The following CNGB3 variants were observed in gnomAD, a reference collection of about 807,000 sequenced individuals.
CNGB3 encodes the protein cyclic nucleotide gated channel subunit beta 3.
Under a neutral mutation model 92.8 loss-of-function variants are expected in CNGB3, and 86 were observed. The ratio of observed to expected loss-of-function variants is 0.93; its 90% CI spans 0.78 to 1.11. The LOEUF is 1.11. CNGB3 is among the 50% of genes least tolerant of loss of function. The pLI, the probability that CNGB3 is intolerant of heterozygous loss-of-function variation, is 0.00. For missense variants in CNGB3, 1,026 were observed against 956.8 expected, an observed-to-expected ratio of 1.07 and a Z score of -0.95; for synonymous variants, 333 against 332.7, an observed-to-expected ratio of 1.00 and a Z score of -0.01.
At chr8:86,673,661 T>A (rs985677044) in intron 3 of CNGB3, among the ~76,000 whole-genome samples, 3 of 152,218 alleles carry the variant, frequency 2.0e-5, no homozygotes, top group African/African-American at 7.2e-5. Context: ...GTACTGGAGC[T>A]TTTGGATAAT....
At chr8:86,700,554 T>G (rs1053390511) in intron 3 of CNGB3, among the ~76,000 whole-genome samples, 1 of 152,208 alleles carries the variant, frequency 6.6e-6, no homozygotes, top group African/African-American at 2.4e-5. Flanking sequence ...TCTCCTCACA[T>G]CTCCAATATC....
rs1821654180 is a variant in CNGB3, at chr8:86,576,040, C to T, written c.2194G>A (p.Asp732Asn). ...ENEDKQKENE[D>N]KGKENEDKDK... Reference sequence around the variant, plus strand: ...TTATCTTCATTTTCTTTTCCTTTATCTTCATTTTCTTTTTGTTTATCTTCA... The same window carrying T: ...TTATCTTCATTTTCTTTTCCTTTATTTTCATTTTCTTTTTGTTTATCTTCA... The change falls in exon 18 of 18, where the codon GAT (aspartate) becomes AAT (asparagine). Residue 732 changes from aspartate to asparagine, a missense_variant. Coordinates refer to ENST00000320005, the MANE Select transcript of CNGB3 (RefSeq NM_019098.5). 2.5e-6 allele frequency: 4 copies of T among 1,604,690 alleles called. No individual in the cohort carries two copies. Among genetic ancestry groups the T allele is most frequent in the African/African-American group, 2.7e-5 (2 of 73,278 alleles).
At chr8:86,693,426 ATTATTATTAT>A (rs1248191061) in intron 3 of CNGB3, among the ~76,000 whole-genome samples, 1 of 91,450 alleles carries the variant, frequency 1.1e-5, no homozygotes, top group Non-Finnish European at 2.2e-5. Flanking sequence ...TTTTTTTATT[ATTATTATTAT>A]TTATTTATTT....
In CNGB3 at chr8:86,667,046, T is replaced by C. The variant is rs905724676; in HGVS notation, c.731A>G (p.Tyr244Cys). ...CFIPLRLVFP[Y>C]QTADNIHYWL... ...GTAGTGTATGTTGTCTGCGGTTTGA[T>C]ATGGGAAGACGAGGCGCAGTGGTAT... is the stretch of plus-strand genomic sequence containing the variant. Residue 244 changes from tyrosine (Y) to cysteine (C), a missense_variant, in exon 6 of 18, where the codon TAT (tyrosine) becomes TGT (cysteine). Tyr to Cys is a radical substitution (Grantham distance 194). Transcript: ENST00000320005. The C allele has an allele frequency of 6.8e-6, 11 of 1,614,032 alleles. No homozygotes were observed. The highest frequency in any genetic ancestry group is 1.7e-4 in the Middle Eastern group (1 of 6,044).
intron 15 of CNGB3, among the ~76,000 whole-genome samples, chr8:86,600,612 T>C (rs1016782621): frequency 6.6e-6 from 1 of 150,552 alleles, no homozygotes; most frequent in South Asian, 2.1e-4. Context: ...CCTTTTTTTT[T>C]TCTTTTTTTT....
intron 15 of CNGB3, among the ~76,000 whole-genome samples, chr8:86,591,723 A>G (rs1026288688): frequency 6.6e-6 from 1 of 152,208 alleles, no homozygotes; most frequent in African/African-American, 2.4e-5. Context: ...GCGTACTGGG[A>G]GAACCACTGC....
intron 13 of CNGB3, among the ~76,000 whole-genome samples, chr8:86,616,725 G>T (rs1822629153): frequency 6.6e-6 from 1 of 152,130 alleles, no homozygotes; most frequent in South Asian, 2.1e-4. Context: ...ATCCTTACCT[G>T]TTTAATTCTT....
At chr8:86,742,575 A>G (rs897741154) in intron 1 of CNGB3, among the ~76,000 whole-genome samples, 2 of 152,158 alleles carry the variant, frequency 1.3e-5, no homozygotes, top group Non-Finnish European at 2.9e-5. Flanking sequence ...TGTACTTGTC[A>G]TCTCTCATCC....
intron 3 of CNGB3, among the ~76,000 whole-genome samples, chr8:86,724,457 A>G (rs1031650): frequency 1.3e-5 from 2 of 152,224 alleles, no homozygotes; most frequent in South Asian, 4.1e-4. Flanking sequence ...CAAATCCAAT[A>G]TGTTTGGATC....
chr8:86,597,660 G>A (rs1181390921), intron 15 of CNGB3, among the ~76,000 whole-genome samples: 1 of 152,050 alleles, frequency 6.6e-6, no homozygotes, highest in Non-Finnish European at 1.5e-5. Context: ...TTCAAGGAAT[G>A]GGAAGACAAT....
intron 15 of CNGB3, among the ~76,000 whole-genome samples, chr8:86,591,907 G>T (rs1160412189): frequency 6.6e-6 from 1 of 152,238 alleles, no homozygotes; most frequent in African/African-American, 2.4e-5. Context: ...ACCTAAGCAA[G>T]CCTGGGCAAT....
At chr8:86,600,970 C>G (rs763495752) in intron 15 of CNGB3, among the ~76,000 whole-genome samples, 3 of 151,592 alleles carry the variant, frequency 2.0e-5, no homozygotes, top group African/African-American at 7.3e-5. Context: ...GTTGGAGAGA[C>G]CTGTCTGAAC....
At chr8:86,726,203 C>A (rs1825057757) in intron 3 of CNGB3, among the ~76,000 whole-genome samples, 1 of 152,110 alleles carries the variant, frequency 6.6e-6, no homozygotes, top group Non-Finnish European at 1.5e-5. Context: ...TTCATCATTT[C>A]TTTTTAAAAT....
chr8:86,676,691 C>T (rs1045730641), intron 3 of CNGB3, among the ~76,000 whole-genome samples: 4 of 152,136 alleles, frequency 2.6e-5, no homozygotes, highest in East Asian at 3.9e-4. Flanking sequence ...ATTCTGCCAA[C>T]ATTTGTGTCC....
At chr8:86,679,916 C>G (rs970304984) in intron 3 of CNGB3, among the ~76,000 whole-genome samples, 1 of 152,156 alleles carries the variant, frequency 6.6e-6, no homozygotes, top group African/African-American at 2.4e-5. Flanking sequence ...GGAAATACAG[C>G]AAGAAGGCAG....
chr8:86,576,054 T>C lies in CNGB3; in HGVS notation c.2180A>G (p.Gln727Arg), dbSNP rs758606162. 7 of 1,601,914 alleles carry C rather than the reference T, an allele frequency of 4.4e-6. No individual in the cohort carries two copies. Among genetic ancestry groups the C allele is most frequent in the African/African-American group, 2.7e-5 (2 of 73,018 alleles). The part of the protein sequence containing the change: ...EDKQKENEDK[Q>R]KENEDKGKEN... ...TTTTCCTTTATCTTCATTTTCTTTT[T>C]GTTTATCTTCATTTTCTTTTTGTTT... The change falls in exon 18 of 18, where the codon CAA becomes CGA. Residue 727 changes from glutamine to arginine, a missense_variant. Coordinates refer to ENST00000320005, the MANE Select transcript of CNGB3 (RefSeq NM_019098.5).
chr8:86,611,837 A>C (rs1822528787), intron 13 of CNGB3, among the ~76,000 whole-genome samples, 166 bp from the exon 14 acceptor site: 1 of 152,116 alleles, frequency 6.6e-6, no homozygotes, highest in Non-Finnish European at 1.5e-5. Context: ...TTAGAAAAAA[A>C]ATACCTATAG....
At chr8:86,628,824 CT>C (rs35359941) in intron 12 of CNGB3, 94 bp downstream of exon 12, 2 of 1,350,462 alleles carry the variant, frequency 1.5e-6, no homozygotes, top group Admixed American at 1.7e-5. Flanking sequence ...GTTTTTCAAC[CT>C]TTTGTTCAAA....
intron 3 of CNGB3, among the ~76,000 whole-genome samples, chr8:86,709,274 G>T (rs2131656832): frequency 6.6e-6 from 1 of 152,276 alleles, no homozygotes; most frequent in Middle Eastern, 3.4e-3. Flanking sequence ...TGTTACATTT[G>T]CCGGTGGAAG....
Sources: allele counts gnomAD v4.1 joint callset (sites outside exome capture counted in the v4.1 genomes callset), GRCh38; gene constraint gnomAD v4.1.1; transcripts MANE v1.5; gene names NCBI Gene and HGNC (gene_info 2026-07-23, HGNC 2026-07-21).